The following MYOF variants were observed in gnomAD, a reference collection of about 807,000 sequenced individuals.
The protein encoded by MYOF is myoferlin, also known as fer-1-like 3, myoferlin.
In MYOF, 244 loss-of-function variants were observed where a neutral mutation model predicts 284.2. The observed-to-expected ratio is 0.86, with a 90% CI of 0.77 to 0.95. MYOF has a LOEUF of 0.95. MYOF is among the 40% of genes least tolerant of loss of function. The pLI is 0.00. For missense variants in MYOF, 2,496 were observed against 2,560.6 expected, an observed-to-expected ratio of 0.97 and a Z score of 0.54; for synonymous variants, 904 against 919.7, an observed-to-expected ratio of 0.98 and a Z score of 0.31.
At chr10:93,374,391 A>G (rs1845740504) in intron 23 of MYOF, among the ~76,000 whole-genome samples, 1 of 152,174 alleles carries the variant, frequency 6.6e-6, no homozygotes, top group Admixed American at 6.5e-5. Flanking sequence ...AACTTGCCCA[A>G]TGTTATACAT....
At position 93,327,960 on chromosome 10, in the gene MYOF, G is replaced by A. The variant is rs550877179; in HGVS notation, c.5131+803C>T. On this transcript the variant is annotated intron_variant, in intron 45 of 53. Transcript: ENST00000359263. ...TGTTTTTGTATTTTTAGTAGAGTTG[G>A]GCTTTCACCATGTTGGTCAGGCTGG... Among the ~76,000 whole-genome samples the A allele has an allele frequency of 7.9e-5, 12 of 152,078 alleles. No individual in the cohort carries two copies. The South Asian group carries it at 2.5e-3, about 32-fold the overall frequency.
At position 93,404,003 on chromosome 10, in the gene MYOF, A is replaced by C. The variant is rs779177114; in HGVS notation, c.843+20T>G. On this transcript the variant is annotated intron_variant, in intron 9 of 53. Transcript: ENST00000359263. ...TCTCATCTTTCTGTAAGTTGAATGA[A>C]GCAGACTGTTGTCACTCACCTTAAA... 60 of 1,611,578 alleles carry C rather than the reference A, an allele frequency of 3.7e-5. No individual in the cohort carries two copies. Among genetic ancestry groups the C allele is most frequent in the Non-Finnish European group, 4.9e-5 (58 of 1,177,766 alleles).
chr10:93,353,960 G>T, intron 31 of MYOF, 72 bp from the exon 32 acceptor site: 1 of 1,206,678 alleles, frequency 8.3e-7, no homozygotes. Context: ...GGAATATTTG[G>T]AAAAAATACA....
At chr10:93,467,302 G>A (rs940931580) in intron 1 of MYOF, among the ~76,000 whole-genome samples, 4 of 148,110 alleles carry the variant, frequency 2.7e-5, no homozygotes, top group Non-Finnish European at 6.0e-5. Context: ...ATCTCCTAAT[G>A]CTATCCCTCC....
intron 50 of MYOF, among the ~76,000 whole-genome samples, chr10:93,314,841 G>T (rs1842547143): frequency 6.6e-6 from 1 of 152,104 alleles, no homozygotes; most frequent in Admixed American, 6.6e-5. Context: ...TTGAGCTCAG[G>T]AATTTGAGAC....
intron 37 of MYOF, among the ~76,000 whole-genome samples, chr10:93,344,203 T>C (rs980144773): frequency 4.6e-5 from 7 of 152,220 alleles, no homozygotes; most frequent in Non-Finnish European, 8.8e-5. Flanking sequence ...ATACAGAAAG[T>C]GCTCAAAAAA....
At chr10:93,452,830 ATAATC>A (rs1162178895) in intron 2 of MYOF, among the ~76,000 whole-genome samples, 3 of 152,216 alleles carry the variant, frequency 2.0e-5, no homozygotes, top group Non-Finnish European at 2.9e-5. Context: ...AAGAAGATGA[ATAATC>A]TAAGAAAACA....
chr10:93,368,617 T>C (rs1171314846), intron 25 of MYOF, among the ~76,000 whole-genome samples: 1 of 152,164 alleles, frequency 6.6e-6, no homozygotes, highest in Non-Finnish European at 1.5e-5. Flanking sequence ...GTAGGACAGA[T>C]AAATTGTCAT....
intron 17 of MYOF, among the ~76,000 whole-genome samples, chr10:93,390,363 C>T (rs1846615943): frequency 6.6e-6 from 1 of 151,922 alleles, no homozygotes; most frequent in African/African-American, 2.4e-5. Context: ...TCAGTGAAGA[C>T]AGCAAGAAAA....
intron 7 of MYOF, among the ~76,000 whole-genome samples, chr10:93,404,501 G>T (rs946222774): frequency 2.9e-4 from 44 of 152,216 alleles, no homozygotes; most frequent in South Asian, 2.1e-4. Context: ...ATATCTAAAA[G>T]CTAAATAATG....
chr10:93,381,452 A>G, intron 19 of MYOF, 56 bp from the exon 20 acceptor site: 1 of 1,572,018 alleles, frequency 6.4e-7, no homozygotes, highest in Non-Finnish European at 8.7e-7. Flanking sequence ...TCTTATTTAC[A>G]TGTGGATTTC....
intron 43 of MYOF, among the ~76,000 whole-genome samples, chr10:93,331,719 G>A (rs1022507529): frequency 7.0e-6 from 1 of 143,460 alleles, no homozygotes; most frequent in African/African-American, 2.5e-5. Flanking sequence ...GGGGGTGGGG[G>A]GTGGGCAGGT....
intron 7 of MYOF, among the ~76,000 whole-genome samples, chr10:93,406,001 A>G (rs938399985): frequency 6.6e-6 from 1 of 151,598 alleles, no homozygotes; most frequent in African/African-American, 2.4e-5. Context: ...TCTGTCACCC[A>G]GGCTGGAGTG....
rs747842974 is a variant in MYOF at position 93,320,021 on chromosome 10, G to T, written c.5457-8C>A. On this transcript the variant is annotated splice_polypyrimidine_tract_variant and splice_region_variant and intron_variant, in intron 48 of 53. Transcript: ENST00000359263. ...TCATTGCCAGGAATCCAGCTGAAAG[G>T]CAGAGGCAAACAGACTTAGCTTCAC... 1.2e-6 allele frequency: 2 copies of T among 1,613,958 alleles called. No homozygotes were observed. The highest frequency in any genetic ancestry group is 1.7e-6 in the Non-Finnish European group (2 of 1,179,958).
chr10:93,462,033 A>T (rs2056894484), intron 1 of MYOF, among the ~76,000 whole-genome samples: 1 of 151,786 alleles, frequency 6.6e-6, no homozygotes, highest in Non-Finnish European at 1.5e-5. Context: ...TGTGAGGTTG[A>T]TGCTAATGGC....
intron 24 of MYOF, among the ~76,000 whole-genome samples, chr10:93,370,504 G>T (rs1372447456): frequency 3.3e-5 from 5 of 151,476 alleles, no homozygotes; most frequent in Non-Finnish European, 7.4e-5. Flanking sequence ...TGTAGAGACG[G>T]GGGTCTTGCC....
At position 93,440,196 on chromosome 10, in the gene MYOF, G is replaced by A. The variant is rs1202347927; in HGVS notation, c.237-8680C>T. 2.0e-5 allele frequency among the ~76,000 whole-genome samples: 3 copies of A among 152,076 alleles called. No homozygotes were observed. The East Asian group carries it at 5.8e-4, about 29-fold the overall frequency. On this transcript the variant is annotated intron_variant, in intron 3 of 53. Coordinates refer to ENST00000359263, the MANE Select transcript of MYOF (RefSeq NM_013451.4). ...TGTGAGGCCGAGGCAGGTGGATCACGAGGTCAAGAGATCAAGACCATCCTG... is the reference window on the plus strand; with the variant it reads ...TGTGAGGCCGAGGCAGGTGGATCACAAGGTCAAGAGATCAAGACCATCCTG...
intron 50 of MYOF, among the ~76,000 whole-genome samples, chr10:93,314,389 A>G (rs809276): frequency 0.6 from 91,498 of 152,096 alleles, 28,554 homozygotes; most frequent in East Asian, 0.9. Flanking sequence ...GTGCCCGGCC[A>G]CATTAACTCT....
chr10:93,307,191 C>A (rs1006891713), intron 53 of MYOF, among the ~76,000 whole-genome samples, 190 bp from the exon 54 acceptor site: 4 of 119,780 alleles, frequency 3.3e-5, no homozygotes, highest in Admixed American at 1.5e-4. Flanking sequence ...CAGTAGCACC[C>A]CCCCGCCAAG....
Sources: allele counts gnomAD v4.1 joint callset (sites outside exome capture counted in the v4.1 genomes callset), GRCh38; gene constraint gnomAD v4.1.1; transcripts MANE v1.5; gene names NCBI Gene and HGNC (gene_info 2026-07-23, HGNC 2026-07-21).